PIK3CG: variants seen among roughly 807,000 people sequenced by gnomAD.
PIK3CG encodes phosphatidylinositol 4,5-bisphosphate 3-kinase catalytic subunit gamma isoform.
PIK3CG carries 55 observed loss-of-function variants against 102.3 expected under a neutral mutation model. The observed-to-expected ratio is 0.54, with a 90% CI of 0.43 to 0.67. PIK3CG has a LOEUF of 0.67. PIK3CG is among the 30% of genes least tolerant of loss of function. PIK3CG has a pLI of 0.00. For synonymous variants in PIK3CG, 552 were observed against 540.0 expected (o/e 1.02, Z -0.31); for missense variants, 1,258 against 1,391.8 (o/e 0.90, Z 1.53).
rs1391401367 is a variant in PIK3CG at position 106,891,234 on chromosome 7, C to A, written c.3030+4942C>A. 1.3e-5 allele frequency among the ~76,000 whole-genome samples: 2 copies of A among 152,122 alleles called. No homozygotes were observed. Among genetic ancestry groups the A allele is most frequent in the African/African-American group, 4.8e-5 (2 of 41,402 alleles). ...GATAACCTCTGGGGTGTCTTCCTTC[C>A]ATATCATACATTGTATTCTGTGAGT... On this transcript the variant is annotated intron_variant, in intron 10 of 10. Coordinates refer to ENST00000496166, the MANE Select transcript of PIK3CG (RefSeq NM_001282426.2). This position sits in a 1 kb window ranked among gnomAD's most constrained non-coding sequence, Gnocchi z 4.4.
In PIK3CG at chr7:106,868,706, T is replaced by C. The variant is rs1790416215; in HGVS notation, c.1145T>C (p.Phe382Ser). 6.2e-7 allele frequency: 1 copy of C among 1,614,242 alleles called. No individual in the cohort carries two copies. The highest frequency in any genetic ancestry group is 8.5e-7 in the Non-Finnish European group (1 of 1,180,048). Residue 382 changes from phenylalanine (F) to serine (S), a missense_variant, in exon 2 of 11, where the codon TTT (phenylalanine) becomes TCT (serine). Coordinates refer to ENST00000496166, the MANE Select transcript of PIK3CG (RefSeq NM_001282426.2). This position sits in a 1 kb window ranked among gnomAD's most constrained non-coding sequence, Gnocchi z 6.2. ...VLPRNTDLTV[F>S]VEANIQHGQQ... is the part of the protein sequence containing the mutation. ...CCTCGGAACACCGACCTCACAGTTT[T>C]TGTAGAGGCAAACATCCAGCATGGG...
Position 106,867,763 on chromosome 7 carries a change from G to C in PIK3CG, c.202G>C (p.Glu68Gln). Residue 68 changes from glutamate to glutamine, a missense_variant, in exon 2 of 11, where the codon GAG becomes CAG. Glu to Gln is a conservative substitution (Grantham distance 29). Around this residue, in one of 2 missense-constraint regions of PIK3CG, gnomAD observed 832 missense variants for 787.5 expected, o/e 1.06. Coordinates refer to ENST00000496166, the MANE Select transcript of PIK3CG (RefSeq NM_001282426.2). The surrounding 1 kb of genome is among the most constrained non-coding windows in gnomAD (Gnocchi z 5.1). Reference sequence around the variant, plus strand: ...GCACGTGGCCGGCCACGGCAACGTGGAGCAGATGAAGGCCCAGGTGTGGCT... The same window carrying C: ...GCACGTGGCCGGCCACGGCAACGTGCAGCAGATGAAGGCCCAGGTGTGGCT... Reference protein sequence around the residue: ...LLHVAGHGNVEQMKAQVWLRA... With the variant: ...LLHVAGHGNVQQMKAQVWLRA... 6.2e-7 allele frequency: 1 copy of C among 1,613,018 alleles called. No homozygotes were observed. The highest frequency in any genetic ancestry group is 8.5e-7 in the Non-Finnish European group (1 of 1,179,922).
rs1289174176 is a variant in PIK3CG, at chr7:106,869,106, C to T, written c.1545C>T (p.Ser515=). Residue 515 remains serine, a synonymous_variant, in exon 2 of 11, where the codon TCC becomes TCT. Coordinates refer to ENST00000496166, the MANE Select transcript of PIK3CG (RefSeq NM_001282426.2). This position sits in a 1 kb window ranked among gnomAD's most constrained non-coding sequence, Gnocchi z 5.3. ...ACCCAGACAAGGAGAACTCAATGTCCATCTCCATTCTTCTGGACAATTACT... is the reference window on the plus strand; with the variant it reads ...ACCCAGACAAGGAGAACTCAATGTCTATCTCCATTCTTCTGGACAATTACT... The part of the protein sequence containing the change: ...ATNPDKENSM[S]ISILLDNYCH... The T allele has an allele frequency of 1.9e-6, 3 of 1,614,066 alleles. No individual in the cohort carries two copies. The African/African-American group carries it at 4.0e-5, about 22-fold the overall frequency.
At chr7:106,866,089 G>A (rs1366666930) in intron 1 of PIK3CG, among the ~76,000 whole-genome samples, 2 of 152,174 alleles carry the variant, frequency 1.3e-5, no homozygotes, top group Admixed American at 1.3e-4. Context: ...TTGAACATAA[G>A]TTTGGATCAA....
rs75776610 is a variant in PIK3CG, at chr7:106,897,357, A to G, written c.3031-7752A>G. ...TTTTTAAAGCCAGGTTTATTGAGGT[A>G]TGTTTTACATAGAGTAAAAATCACC... is the stretch of plus-strand genomic sequence containing the variant. On this transcript the variant is annotated intron_variant, in intron 10 of 10. Coordinates refer to ENST00000496166, the MANE Select transcript of PIK3CG (RefSeq NM_001282426.2). The surrounding 1 kb of genome is among the most constrained non-coding windows in gnomAD (Gnocchi z 4.6). 0.014 allele frequency among the ~76,000 whole-genome samples: 2,091 copies of G among 152,314 alleles called. 47 individuals carry two copies. Among genetic ancestry groups the G allele is most frequent in the African/African-American group, 0.045 (1,889 of 41,562 alleles).
chr7:106,867,406 A>G lies in PIK3CG; in HGVS notation c.-12-144A>G. 1.4e-6 allele frequency: 1 copy of G among 710,718 alleles called. No homozygotes were observed. Among genetic ancestry groups the G allele is most frequent in the Non-Finnish European group, 2.3e-6 (1 of 427,134 alleles). The allele number at this position is 710,718 out of a possible 1,614,324, so 44.0% of individuals were successfully genotyped here. A position where few individuals can be genotyped will look rare whatever the true frequency, so the allele number is the denominator to read the frequency against. On this transcript the variant is annotated intron_variant, in intron 1 of 10. Transcript: ENST00000496166. The surrounding 1 kb of genome is among the most constrained non-coding windows in gnomAD (Gnocchi z 5.1). ...CAAAGCCCACGCTCTGAAGGGCTGT[A>G]GTGCTTCCAGTTTAAAATACTTGGT...
intron 6 of PIK3CG, 53 bp from the exon 7 acceptor site, chr7:106,882,064 T>C: frequency 1.4e-6 from 1 of 735,108 alleles, no homozygotes; most frequent in Non-Finnish European, 1.9e-6. Context: ...AGAAGAAAAA[T>C]ATATTAAGTT....
intron 10 of PIK3CG, among the ~76,000 whole-genome samples, chr7:106,901,991 C>A (rs1402907009): frequency 6.6e-6 from 1 of 152,140 alleles, no homozygotes; most frequent in Non-Finnish European, 1.5e-5. Flanking sequence ...GTTTCTCTCC[C>A]CCTTGAGTGC....
In PIK3CG at chr7:106,883,172, A is replaced by G. The variant is rs2116546351; in HGVS notation, c.2760+9A>G. On this transcript the variant is annotated intron_variant, in intron 8 of 10. Coordinates refer to ENST00000496166, the MANE Select transcript of PIK3CG (RefSeq NM_001282426.2). The surrounding 1 kb of genome is among the most constrained non-coding windows in gnomAD (Gnocchi z 5.8). ...CCCCTACTGAAGAAAAGGTGAGCTC[A>G]TGCTTTTTCCCAGTCTAATGGCTCC... 1 of 1,613,658 alleles carries G rather than the reference A, an allele frequency of 6.2e-7. No individual in the cohort carries two copies. Among genetic ancestry groups the G allele is most frequent in the East Asian group, 2.2e-5 (1 of 44,880 alleles).
chr7:106,878,282 A>G (rs1275530954), intron 5 of PIK3CG, among the ~76,000 whole-genome samples: 2 of 151,938 alleles, frequency 1.3e-5, no homozygotes, highest in African/African-American at 4.8e-5. Flanking sequence ...GCTGTTTTTA[A>G]GATTCTTTTT....
In PIK3CG at chr7:106,906,007, T is replaced by G. The variant is rs1791675276; in HGVS notation, c.*620T>G. The G allele has an allele frequency of 4.4e-6, 1 of 227,186 alleles. No individual in the cohort carries two copies. Among genetic ancestry groups the G allele is most frequent in the East Asian group, 6.3e-5 (1 of 15,768 alleles). The allele number at this position is 227,186 out of a possible 1,614,324, so 14.1% of individuals were successfully genotyped here. ...AAATCTAAACCGTTGTGCCTTGACC[T>G]TCCTCTGCTGGTCTTGTTCCAGGGT... On this transcript the variant is annotated 3_prime_UTR_variant, in exon 11 of 11. Coordinates refer to ENST00000496166, the MANE Select transcript of PIK3CG (RefSeq NM_001282426.2).
chr7:106,884,264 C>T lies in PIK3CG; in HGVS notation c.2870C>T (p.Thr957Ile), dbSNP rs1020098334. ...RHNDNIMITE[T>I]GNLFHIDFGH... ...AATGACAATATTATGATCACCGAGACAGGTGAGTTTATTTAGTGCAGAATA... is the reference window on the plus strand; with the variant it reads ...AATGACAATATTATGATCACCGAGATAGGTGAGTTTATTTAGTGCAGAATA... The change falls in exon 9 of 11, where the codon ACA becomes ATA. Residue 957 changes from threonine to isoleucine, a missense_variant and splice_region_variant. Physicochemically the swap from Thr to Ile is moderately conservative, Grantham distance 89 (BLOSUM62 -1). Transcript: ENST00000496166. The surrounding 1 kb of genome is among the most constrained non-coding windows in gnomAD (Gnocchi z 4.2). The T allele has an allele frequency of 6.3e-7, 1 of 1,594,616 alleles. No individual in the cohort carries two copies. Among genetic ancestry groups the T allele is most frequent in the Non-Finnish European group, 8.6e-7 (1 of 1,162,938 alleles).
chr7:106,900,237 A>C (rs1051413905), intron 10 of PIK3CG, among the ~76,000 whole-genome samples: 2 of 151,668 alleles, frequency 1.3e-5, no homozygotes, highest in African/African-American at 4.8e-5. Flanking sequence ...GATTATATAT[A>C]TATTTAGGCT....
At chr7:106,904,841 T>G (rs1221206411) in intron 10 of PIK3CG, among the ~76,000 whole-genome samples, 1 of 152,156 alleles carries the variant, frequency 6.6e-6, no homozygotes, top group Non-Finnish European at 1.5e-5. Context: ...AGAAACTGAA[T>G]TAAAAAGGTA....
At position 106,874,006 on chromosome 7, in the gene PIK3CG, C is replaced by T. The variant is rs1016698629; in HGVS notation, c.2288-694C>T. On this transcript the variant is annotated intron_variant, in intron 4 of 10. Coordinates refer to ENST00000496166, the MANE Select transcript of PIK3CG (RefSeq NM_001282426.2). This position sits in a 1 kb window ranked among gnomAD's most constrained non-coding sequence, Gnocchi z 4.3. ...CTAGCACTATGGCTCATTACATAGA[C>T]ACTTCATGTACTCAACCAGTATTTT... Among the ~76,000 whole-genome samples, 7 of 152,114 alleles carry T rather than the reference C, an allele frequency of 4.6e-5. No homozygotes were observed. The East Asian group carries it at 1.2e-3, about 25-fold the overall frequency.
chr7:106,884,702 C>T lies in PIK3CG; in HGVS notation c.2872+436C>T, dbSNP rs1260551532. ...ATTCAAGAGCATTACGTTTATTGCA[C>T]ACTTTTTTTTCAACTCACTTGCCAC... On this transcript the variant is annotated intron_variant, in intron 9 of 10. Transcript: ENST00000496166. This position sits in a 1 kb window ranked among gnomAD's most constrained non-coding sequence, Gnocchi z 4.2. Among the ~76,000 whole-genome samples, 3 of 152,156 alleles carry T rather than the reference C, an allele frequency of 2.0e-5. No individual in the cohort carries two copies. The highest frequency in any genetic ancestry group is 7.2e-5 in the African/African-American group (3 of 41,438).
Position 106,867,777 on chromosome 7 carries a change from C to T in PIK3CG, c.216C>T (p.Ala72=), listed in dbSNP as rs1364349199. 1.2e-6 allele frequency: 2 copies of T among 1,612,896 alleles called. No individual in the cohort carries two copies. The highest frequency in any genetic ancestry group is 3.3e-5 in the Admixed American group (2 of 60,016). ...AGHGNVEQMK[A]QVWLRALETS... is the part of the protein sequence containing the mutation. ...ACGGCAACGTGGAGCAGATGAAGGC[C>T]CAGGTGTGGCTGCGAGCGCTGGAGA... is the stretch of plus-strand genomic sequence containing the variant. Residue 72 remains alanine (A), a synonymous_variant, in exon 2 of 11, where the codon GCC becomes GCT. Transcript: ENST00000496166. This position sits in a 1 kb window ranked among gnomAD's most constrained non-coding sequence, Gnocchi z 5.1.
Position 106,905,625 on chromosome 7 carries a change from G to T in PIK3CG, c.*238G>T. Reference sequence around the variant, plus strand: ...TTTGGTTTTTTCTCATTTGTCTGTGGCATTGGAGAATATTCTCGGTTTAAA... The same window carrying T: ...TTTGGTTTTTTCTCATTTGTCTGTGTCATTGGAGAATATTCTCGGTTTAAA... On this transcript the variant is annotated 3_prime_UTR_variant, in exon 11 of 11. Coordinates refer to ENST00000496166, the MANE Select transcript of PIK3CG (RefSeq NM_001282426.2). The surrounding 1 kb of genome is among the most constrained non-coding windows in gnomAD (Gnocchi z 5.6). 3.9e-6 allele frequency: 2 copies of T among 516,032 alleles called. No individual in the cohort carries two copies. The highest frequency in any genetic ancestry group is 3.2e-5 in the East Asian group (1 of 31,422). The allele number at this position is 516,032 out of a possible 1,614,324, so 32.0% of individuals were successfully genotyped here.
chr7:106,871,533 G>A (rs7777659), intron 2 of PIK3CG, among the ~76,000 whole-genome samples: 9 of 152,206 alleles, frequency 5.9e-5, no homozygotes, highest in East Asian at 1.9e-4. Context: ...AATTTCTTCC[G>A]TTCCTTAGGA....
Sources: gnomAD v4.1 joint callset for allele counts (sites outside exome capture counted in the v4.1 genomes callset) on GRCh38, gnomAD v4.1.1 for gene constraint, gnomAD v4.1.1 regional missense constraint, Gnocchi (gnomAD v3.1) non-coding constraint, MANE v1.5 for transcripts, NCBI Gene and HGNC (gene_info 2026-07-23, HGNC 2026-07-21) for gene names.